Variants in XYLT1 observed in about 807,000 individuals in gnomAD.
The protein encoded by XYLT1 is xylosyltransferase 1.
A neutral mutation model predicts 91.3 loss-of-function variants in XYLT1; 36 were observed. The observed-to-expected ratio is 0.39, with a 90% CI of 0.30 to 0.52. XYLT1 has a LOEUF of 0.52. Ranked by LOEUF, XYLT1 falls within the 20% of genes least tolerant of loss-of-function variation. The pLI, the probability that XYLT1 is intolerant of heterozygous loss-of-function variation, is 0.68. For synonymous variants in XYLT1, 588 were observed against 532.0 expected (o/e 1.11, Z -1.45); for missense variants, 1,242 against 1,284.5 (o/e 0.97, Z 0.51).
At chr16:17,431,956 G>A (rs990617735) in intron 1 of XYLT1, among the ~76,000 whole-genome samples, 1 of 152,170 alleles carries the variant, frequency 6.6e-6, no homozygotes, top group Admixed American at 6.5e-5. Context: ...AACCGGTGTG[G>A]AGGCTTTTCC....
chr16:17,153,560 G>A (rs1019584751), intron 6 of XYLT1, among the ~76,000 whole-genome samples: 3 of 152,192 alleles, frequency 2.0e-5, no homozygotes, highest in Admixed American at 6.5e-5. Context: ...GATTACAGGT[G>A]TGAGCCACTG....
chr16:17,449,740 G>C (rs2036641247), intron 1 of XYLT1, among the ~76,000 whole-genome samples: 1 of 152,176 alleles, frequency 6.6e-6, no homozygotes, highest in Non-Finnish European at 1.5e-5. Flanking sequence ...CAACTACTAA[G>C]AACACAGGTG....
Position 17,132,673 on chromosome 16 carries a change from C to T in XYLT1, c.2027+1800G>A, listed in dbSNP as rs147274405. ...ATCTCAGCACTTAGGGAGGCTGAAGCGGGAGGATTGCCTGAGGTCAGGAGT... is the reference window on the plus strand; with the variant it reads ...ATCTCAGCACTTAGGGAGGCTGAAGTGGGAGGATTGCCTGAGGTCAGGAGT... On this transcript the variant is annotated intron_variant, in intron 9 of 11. Coordinates refer to ENST00000261381, the MANE Select transcript of XYLT1 (RefSeq NM_022166.4). Among the ~76,000 whole-genome samples the T allele has an allele frequency of 8.7e-3, 1,322 of 152,256 alleles. 25 individuals are homozygous for T. Among genetic ancestry groups the T allele is most frequent in the African/African-American group, 0.029 (1,212 of 41,550 alleles).
chr16:17,317,683 T>C (rs1269586222), intron 2 of XYLT1, among the ~76,000 whole-genome samples: 1 of 147,322 alleles, frequency 6.8e-6, no homozygotes, highest in Non-Finnish European at 1.5e-5. Context: ...GTATTTATGG[T>C]ATGCAGTATC....
At chr16:17,250,183 T>C (rs1310975320) in intron 3 of XYLT1, 1 of 152,238 alleles carries the variant, frequency 6.6e-6, no homozygotes, top group East Asian at 1.9e-4. Context: ...ATGGACATGG[T>C]ACTCAAGTGG....
At chr16:17,228,477 G>T (rs949061771) in intron 3 of XYLT1, among the ~76,000 whole-genome samples, 5 of 152,168 alleles carry the variant, frequency 3.3e-5, no homozygotes, top group African/African-American at 1.2e-4. Context: ...GCACAGAACG[G>T]TGATGGGGTT....
intron 3 of XYLT1, among the ~76,000 whole-genome samples, chr16:17,217,279 T>C (rs935565225): frequency 3.9e-5 from 6 of 152,160 alleles, no homozygotes; most frequent in Non-Finnish European, 7.3e-5. Flanking sequence ...CTAGCTTCAC[T>C]TCTTAGGTGC....
At chr16:17,248,927 A>G (rs1276329342) in intron 3 of XYLT1, among the ~76,000 whole-genome samples, 1 of 151,686 alleles carries the variant, frequency 6.6e-6, no homozygotes, top group East Asian at 1.9e-4. Flanking sequence ...GGGTTTCACT[A>G]TGTTGGCTAG....
In XYLT1 at chr16:17,470,609, G is replaced by C. The variant is rs1028782929; in HGVS notation, c.188C>G (p.Pro63Arg). Residue 63 changes from proline (P) to arginine (R), a missense_variant, in exon 1 of 12, where the codon CCG becomes CGG. Around this residue, in one of 3 missense-constraint regions of XYLT1, gnomAD observed 437 missense variants for 411.5 expected, o/e 1.06. Transcript: ENST00000261381. ...GGEQPPPAPA[P>R]RRERRDLPAE... ...GGGCAGGTCCCGGCGCTCCCGGCGC[G>C]GGGCCGGGGCCGGGGGCGGCTGCTC... The C allele has an allele frequency of 7.8e-5, 88 of 1,123,924 alleles. No homozygotes were observed. In the African/African-American group the frequency reaches 1.3e-3, roughly 17 times the overall value. The allele number at this position is 1,123,924 out of a possible 1,614,324, so 69.6% of individuals were successfully genotyped here. A position where few individuals can be genotyped will look rare whatever the true frequency, so the allele number is the denominator to read the frequency against.
At chr16:17,448,576 G>A (rs2036622908) in intron 1 of XYLT1, among the ~76,000 whole-genome samples, 2 of 152,074 alleles carry the variant, frequency 1.3e-5, no homozygotes, top group Non-Finnish European at 2.9e-5. Flanking sequence ...AGAGGAAGGA[G>A]GGAGAGGAAG....
intron 5 of XYLT1, among the ~76,000 whole-genome samples, chr16:17,169,841 T>G (rs919386305): frequency 1.3e-5 from 2 of 152,206 alleles, no homozygotes; most frequent in East Asian, 3.8e-4. Context: ...TTACAGCCAG[T>G]TATTTGATTT....
chr16:17,246,806 A>G (rs985278203), intron 3 of XYLT1, among the ~76,000 whole-genome samples: 1 of 152,180 alleles, frequency 6.6e-6, no homozygotes, highest in African/African-American at 2.4e-5. Flanking sequence ...AGCCAGTCTC[A>G]CCTAAGGGTC....
At chr16:17,243,547 C>T (rs1567338599) in intron 3 of XYLT1, among the ~76,000 whole-genome samples, 1 of 152,152 alleles carries the variant, frequency 6.6e-6, no homozygotes, top group Admixed American at 6.6e-5. Context: ...CAATCATCAT[C>T]CCCATTCTAT....
chr16:17,147,579 G>A (rs1391802489), intron 6 of XYLT1, among the ~76,000 whole-genome samples: 1 of 152,196 alleles, frequency 6.6e-6, no homozygotes, highest in Non-Finnish European at 1.5e-5. Context: ...CTGATATGCT[G>A]CAAACGCATG....
intron 5 of XYLT1, among the ~76,000 whole-genome samples, chr16:17,187,393 CAAAA>C (rs71137979): frequency 1.8e-5 from 1 of 55,304 alleles, no homozygotes; most frequent in Admixed American, 2.7e-4. Flanking sequence ...GACTCAGTTT[CAAAA>C]AAAAAAAAAA....
At chr16:17,304,773 T>C (rs916199980) in intron 2 of XYLT1, among the ~76,000 whole-genome samples, 7 of 152,234 alleles carry the variant, frequency 4.6e-5, no homozygotes, top group African/African-American at 1.7e-4. Flanking sequence ...CTTGGGAAGG[T>C]AACCTATTTT....
chr16:17,358,158 C>G, intron 1 of XYLT1, 108 bp from the exon 2 acceptor site: 3 of 1,162,270 alleles, frequency 2.6e-6, no homozygotes, highest in Non-Finnish European at 3.6e-6. Flanking sequence ...GAGACAGGGT[C>G]TCGCTTTGTT....
chr16:17,142,714 G>A (rs8050672), intron 6 of XYLT1, among the ~76,000 whole-genome samples: 138,148 of 151,826 alleles, frequency 0.91, 62,964 homozygotes, highest in East Asian at 0.96. Context: ...GAGTGCTGGG[G>A]TTATAGGTGT....
chr16:17,311,943 G>A (rs555943903), intron 2 of XYLT1, among the ~76,000 whole-genome samples: 47 of 152,220 alleles, frequency 3.1e-4, no homozygotes, highest in Middle Eastern at 3.4e-3. Context: ...AAACTGCCCC[G>A]ATGATTCAGT....
Sources: allele counts gnomAD v4.1 joint callset (sites outside exome capture counted in the v4.1 genomes callset), GRCh38; gene constraint gnomAD v4.1.1; regional missense constraint gnomAD v4.1.1; transcripts MANE v1.5; gene names NCBI Gene and HGNC (gene_info 2026-07-23, HGNC 2026-07-21).